ABI1: variants seen among roughly 807,000 people sequenced by gnomAD.
ABI1 encodes abl interactor 1.
ABI1 carries 14 observed loss-of-function variants against 54.6 expected under a neutral mutation model. The observed-to-expected ratio is 0.26, with a 90% CI of 0.17 to 0.40. The LOEUF is 0.40. ABI1 is among the 10% of genes least tolerant of loss of function. The pLI, the probability that ABI1 is intolerant of heterozygous loss-of-function variation, is 1.00. For missense variants in ABI1, 443 were observed against 598.3 expected, an observed-to-expected ratio of 0.74 and a Z score of 2.71; for synonymous variants, 194 against 209.3, an observed-to-expected ratio of 0.93 and a Z score of 0.63.
chr10:26,774,572 C>A (rs1413781166), intron 3 of ABI1, among the ~76,000 whole-genome samples: 2 of 152,028 alleles, frequency 1.3e-5, no homozygotes, highest in Non-Finnish European at 2.9e-5. Flanking sequence ...AAAAATCGAA[C>A]CAGATTTACT....
chr10:26,748,582 G>A lies in ABI1; in HGVS notation c.1434C>T (p.His478=). The change falls in exon 11 of 11, where the codon CAC becomes CAT. Residue 478 remains histidine (H), a synonymous_variant. Transcript: ENST00000376140. The part of the protein sequence containing the change: ...FPGNYVESIM[H]YTD ...AGAAAAAAAAAAATTAATCAGTATA[G>A]TGCATGATTGATTCAACATAGTTCC... The A allele has an allele frequency of 6.2e-7, 1 of 1,611,718 alleles. No individual in the cohort carries two copies. Among genetic ancestry groups the A allele is most frequent in the Non-Finnish European group, 8.5e-7 (1 of 1,179,234 alleles).
At chr10:26,804,801 AC>A (rs1377943751) in intron 2 of ABI1, among the ~76,000 whole-genome samples, 1 of 152,212 alleles carries the variant, frequency 6.6e-6, no homozygotes, top group Non-Finnish European at 1.5e-5. Flanking sequence ...ACTCCAAAAT[AC>A]ACCACACTGT....
chr10:26,850,397 C>T (rs1354679942), intron 1 of ABI1, among the ~76,000 whole-genome samples: 11 of 151,784 alleles, frequency 7.2e-5, no homozygotes, highest in Admixed American at 2.0e-4. Context: ...TGGTGGCTCA[C>T]GCCTGTAATC....
At chr10:26,766,931 T>C (rs1016452553) in intron 6 of ABI1, among the ~76,000 whole-genome samples, 2 of 152,230 alleles carry the variant, frequency 1.3e-5, no homozygotes, top group Non-Finnish European at 2.9e-5. Flanking sequence ...GTATTGTCAA[T>C]GGCTGCTTTT....
chr10:26,807,264 G>A (rs1480694391), intron 2 of ABI1, among the ~76,000 whole-genome samples: 2 of 151,928 alleles, frequency 1.3e-5, no homozygotes, highest in African/African-American at 2.4e-5. Flanking sequence ...GCTTGAGCCC[G>A]GGAATTCGAC....
chr10:26,850,488 T>C (rs967587994), intron 1 of ABI1, among the ~76,000 whole-genome samples: 1 of 151,774 alleles, frequency 6.6e-6, no homozygotes, highest in African/African-American at 2.4e-5. Flanking sequence ...TGAAACCCTG[T>C]CCTTACTAAA....
rs867184699 is a variant in ABI1 at position 26,746,610 on chromosome 10, A to T, written c.*1960T>A. 1.4e-5 allele frequency: 12 copies of T among 873,050 alleles called. No individual in the cohort carries two copies. Among genetic ancestry groups the T allele is most frequent in the East Asian group, 2.8e-5 (1 of 35,940 alleles). The allele number at this position is 873,050 out of a possible 1,614,324, so 54.1% of individuals were successfully genotyped here. On this transcript the variant is annotated 3_prime_UTR_variant, in exon 11 of 11. Transcript: ENST00000376140. ...TATCAAACTTATTGATGGGCAATTT[A>T]TTTTTTTTTATTGCAAAAGTTTTTT... is the stretch of plus-strand genomic sequence containing the variant.
intron 6 of ABI1, among the ~76,000 whole-genome samples, chr10:26,766,656 T>C (rs533528588): frequency 2.1e-4 from 32 of 152,348 alleles, no homozygotes; most frequent in African/African-American, 6.7e-4. Flanking sequence ...CACTGCATCA[T>C]AGACATATGA....
chr10:26,748,852 T>C, intron 10 of ABI1, 107 bp from the exon 11 acceptor site: 1 of 811,408 alleles, frequency 1.2e-6, no homozygotes, highest in Non-Finnish European at 1.9e-6. Flanking sequence ...ACTATTTTTA[T>C]GAAGATTTCT....
intron 1 of ABI1, among the ~76,000 whole-genome samples, chr10:26,829,112 G>A (rs1259283558): frequency 1.3e-5 from 2 of 151,992 alleles, no homozygotes; most frequent in Non-Finnish European, 2.9e-5. Context: ...TGTAGTCCCA[G>A]CTACTCGGGA....
intron 3 of ABI1, among the ~76,000 whole-genome samples, chr10:26,773,059 A>T (rs981234437): frequency 2.8e-4 from 42 of 151,950 alleles, no homozygotes; most frequent in African/African-American, 6.8e-4. Context: ...GTCTCTTTTT[A>T]AAAAAATCTC....
intron 1 of ABI1, among the ~76,000 whole-genome samples, chr10:26,827,730 C>A (rs2048401485): frequency 6.6e-6 from 1 of 151,834 alleles, no homozygotes; most frequent in African/African-American, 2.4e-5. Flanking sequence ...GTAGCTGGGA[C>A]TACAGGCATA....
At chr10:26,764,525 T>C (rs1839656846) in intron 7 of ABI1, among the ~76,000 whole-genome samples, 1 of 152,224 alleles carries the variant, frequency 6.6e-6, no homozygotes, top group African/African-American at 2.4e-5. Context: ...TAGACACTGA[T>C]TCTCCAGCTG....
At chr10:26,829,900 T>C (rs1346262205) in intron 1 of ABI1, among the ~76,000 whole-genome samples, 6 of 152,186 alleles carry the variant, frequency 3.9e-5, no homozygotes, top group African/African-American at 1.4e-4. Flanking sequence ...TACAATTCAA[T>C]GTGCTTTGAT....
intron 3 of ABI1, among the ~76,000 whole-genome samples, chr10:26,774,383 G>C (rs940832929): frequency 6.6e-6 from 1 of 152,124 alleles, no homozygotes. Context: ...ATTATTACTA[G>C]TGTTCATCAA....
Position 26,770,307 on chromosome 10 carries a change from C to T in ABI1, c.516G>A (p.Ser172=), listed in dbSNP as rs141074591. Residue 172 remains serine, a synonymous_variant, in exon 5 of 11, where the codon TCG becomes TCA. Transcript: ENST00000376140. ...NNQPARTGTL[S]RTNPPTQKPP... is the part of the protein sequence containing the mutation. Reference sequence around the variant, plus strand: ...GTTTCTGAGTAGGAGGATTTGTTCTCGACAGTGTGCCAGTTCTTGCAGGCT... The same window carrying T: ...GTTTCTGAGTAGGAGGATTTGTTCTTGACAGTGTGCCAGTTCTTGCAGGCT... 1.1e-5 allele frequency: 18 copies of T among 1,613,988 alleles called. No homozygotes were observed. In the South Asian group the frequency reaches 1.5e-4, roughly 14 times the overall value.
At chr10:26,849,306 T>C (rs1243168481) in intron 1 of ABI1, among the ~76,000 whole-genome samples, 1 of 151,410 alleles carries the variant, frequency 6.6e-6, no homozygotes, top group African/African-American at 2.4e-5. Flanking sequence ...CTGCCAACCA[T>C]CCACAGAAAA....
chr10:26,752,494 T>C (rs147218896), intron 9 of ABI1, among the ~76,000 whole-genome samples: 2,960 of 152,266 alleles, frequency 0.019, 37 homozygotes, highest in Non-Finnish European at 0.028. Context: ...TTTTGCATTA[T>C]TGCTAGTAAA....
chr10:26,854,237 G>A (rs116180649), intron 1 of ABI1, among the ~76,000 whole-genome samples: 67 of 152,192 alleles, frequency 4.4e-4, no homozygotes, highest in African/African-American at 1.5e-3. Flanking sequence ...AACAGACCAG[G>A]ACTAGTCAGA....
Sources: gnomAD v4.1 joint callset for allele counts (sites outside exome capture counted in the v4.1 genomes callset) on GRCh38, gnomAD v4.1.1 for gene constraint, MANE v1.5 for transcripts, NCBI Gene and HGNC (gene_info 2026-07-23, HGNC 2026-07-21) for gene names.